PDE4D: variants seen among roughly 807,000 people sequenced by gnomAD.
The protein encoded by PDE4D is phosphodiesterase 4D.
Under a neutral mutation model 87.4 loss-of-function variants are expected in PDE4D, and 24 were observed. The observed-to-expected ratio is 0.27, with a 90% CI of 0.20 to 0.39. The LOEUF (loss-of-function observed/expected upper bound fraction) is 0.39. Ranked by LOEUF, PDE4D falls within the 10% of genes least tolerant of loss-of-function variation. The pLI, the probability that PDE4D is intolerant of heterozygous loss-of-function variation, is 1.00. For missense variants in PDE4D, 714 were observed against 1,041.0 expected (o/e 0.69, Z 4.32); for synonymous variants, 384 against 383.2 (o/e 1.00, Z -0.02).
intron 2 of PDE4D, among the ~76,000 whole-genome samples, chr5:60,087,613 T>A (rs181537921): frequency 6.6e-6 from 1 of 151,484 alleles, no homozygotes; most frequent in African/African-American, 2.4e-5. Context: ...ACTGAAAAAC[T>A]CCATAGAAAG....
At chr5:59,597,074 T>C (rs926314691) in intron 1 of PDE4D, among the ~76,000 whole-genome samples, 3 of 152,182 alleles carry the variant, frequency 2.0e-5, no homozygotes, top group African/African-American at 7.2e-5. Flanking sequence ...TATACTTGTT[T>C]CTGTTAATTT....
At chr5:59,471,390 A>C (rs1230671895) in intron 1 of PDE4D, among the ~76,000 whole-genome samples, 2 of 152,242 alleles carry the variant, frequency 1.3e-5, no homozygotes, top group Non-Finnish European at 2.9e-5. Flanking sequence ...GTGAAGATTA[A>C]ATCAAAAAAG....
exon 1 of PDE4D, chr5:60,487,999 G>A (rs957122918): frequency 6.6e-6 from 1 of 152,618 alleles, no homozygotes; most frequent in Non-Finnish European, 1.5e-5. Context: ...GGCCGTGTCA[G>A]AACTCAATTA....
chr5:60,232,962 G>C (rs2149631281), intron 1 of PDE4D, among the ~76,000 whole-genome samples: 1 of 151,798 alleles, frequency 6.6e-6, no homozygotes, highest in South Asian at 2.1e-4. Flanking sequence ...ACTACTAATA[G>C]AAAACATTAC....
intron 1 of PDE4D, among the ~76,000 whole-genome samples, chr5:59,232,893 G>T (rs1755552033): frequency 6.6e-6 from 1 of 151,940 alleles, no homozygotes; most frequent in Non-Finnish European, 1.5e-5. Flanking sequence ...CCTGCCATTT[G>T]CAGCAACATG....
intron 3 of PDE4D, among the ~76,000 whole-genome samples, chr5:59,949,359 G>A (rs1359367141): frequency 6.6e-6 from 1 of 151,402 alleles, no homozygotes; most frequent in Non-Finnish European, 1.5e-5. Flanking sequence ...CGTGAACCTG[G>A]GAGGCGGAGC....
At chr5:59,775,869 A>G (rs1386021473) in intron 1 of PDE4D, among the ~76,000 whole-genome samples, 3 of 152,150 alleles carry the variant, frequency 2.0e-5, no homozygotes, top group Non-Finnish European at 4.4e-5. Flanking sequence ...CCGGCCCCCA[A>G]GAAAGGATTT....
At chr5:59,414,212 T>G (rs1793200003) in intron 1 of PDE4D, among the ~76,000 whole-genome samples, 1 of 152,170 alleles carries the variant, frequency 6.6e-6, no homozygotes, top group South Asian at 2.1e-4. Context: ...GCACCTTATG[T>G]TTTGTTACTG....
At chr5:59,015,651 T>A (rs550040145) in intron 6 of PDE4D, among the ~76,000 whole-genome samples, 1 of 152,180 alleles carries the variant, frequency 6.6e-6, no homozygotes, top group African/African-American at 2.4e-5. Flanking sequence ...TGTGAAGAAA[T>A]AGGAACACTT....
intron 1 of PDE4D, chr5:60,460,864 C>T: frequency 2.5e-6 from 1 of 405,992 alleles, no homozygotes; most frequent in East Asian, 4.7e-5. Context: ...TGAAGGATCC[C>T]TTTACACTAT....
chr5:59,415,733 G>T (rs186579543), intron 1 of PDE4D, among the ~76,000 whole-genome samples: 1 of 152,272 alleles, frequency 6.6e-6, no homozygotes, highest in East Asian at 1.9e-4. Context: ...TATGAGGAAA[G>T]AATGTTAAAT....
At chr5:59,346,721 C>G (rs1779664336) in intron 1 of PDE4D, among the ~76,000 whole-genome samples, 1 of 152,106 alleles carries the variant, frequency 6.6e-6, no homozygotes, top group Non-Finnish European at 1.5e-5. Context: ...CACAGGAGGA[C>G]AGAGAACAAA....
intron 1 of PDE4D, among the ~76,000 whole-genome samples, chr5:59,836,658 CA>C (rs1742135617): frequency 8.3e-6 from 1 of 120,870 alleles, no homozygotes; most frequent in African/African-American, 4.7e-5. Context: ...ATCTATCTAT[CA>C]TCTATCTACC....
At chr5:59,228,098 T>C (rs964447591) in intron 1 of PDE4D, among the ~76,000 whole-genome samples, 4 of 152,308 alleles carry the variant, frequency 2.6e-5, no homozygotes, top group Non-Finnish European at 5.9e-5. Context: ...TCATGTTCTT[T>C]GTAGGAACAT....
chr5:59,510,888 T>C (rs1810179550), intron 1 of PDE4D, among the ~76,000 whole-genome samples: 1 of 151,992 alleles, frequency 6.6e-6, no homozygotes, highest in Non-Finnish European at 1.5e-5. Context: ...AAACCGTTTT[T>C]TAAAATTCTT....
chr5:60,424,982 T>C (rs1462890629), intron 1 of PDE4D, among the ~76,000 whole-genome samples: 9 of 152,318 alleles, frequency 5.9e-5, no homozygotes, highest in Non-Finnish European at 1.0e-4. Context: ...ACAAGGGATG[T>C]GAAGGACCTC....
chr5:59,461,789 C>A (rs1241382751), intron 1 of PDE4D, among the ~76,000 whole-genome samples: 1 of 152,088 alleles, frequency 6.6e-6, no homozygotes, highest in Non-Finnish European at 1.5e-5. Context: ...GTATGCCATC[C>A]TGGAAGTTGA....
At chr5:60,071,876 T>A (rs1434367659) in intron 2 of PDE4D, among the ~76,000 whole-genome samples, 1 of 152,206 alleles carries the variant, frequency 6.6e-6, no homozygotes, top group Non-Finnish European at 1.5e-5. Flanking sequence ...CTGCATAGTA[T>A]GCCATGGAGT....
At chr5:60,045,349 A>T (rs1230360543) in intron 2 of PDE4D, among the ~76,000 whole-genome samples, 1 of 152,162 alleles carries the variant, frequency 6.6e-6, no homozygotes, top group African/African-American at 2.4e-5. Flanking sequence ...TTTGCTGTGC[A>T]GAAGCTCTTT....
Sources: gnomAD v4.1 joint callset for allele counts (sites outside exome capture counted in the v4.1 genomes callset) on GRCh38, gnomAD v4.1.1 for gene constraint, MANE v1.5 for transcripts, NCBI Gene and HGNC (gene_info 2026-07-23, HGNC 2026-07-21) for gene names.